Variants in PALLD observed in about 807,000 individuals in gnomAD.
The protein encoded by PALLD is palladin, cytoskeletal associated protein.
Under a neutral mutation model 123.5 loss-of-function variants are expected in PALLD, and 61 were observed. The observed-to-expected ratio is 0.49, with a 90% CI of 0.40 to 0.61. The LOEUF (loss-of-function observed/expected upper bound fraction) is 0.61. PALLD is among the 20% of genes least tolerant of loss of function. The pLI is 0.00. For missense variants in PALLD, 1,273 were observed against 1,377.0 expected, an observed-to-expected ratio of 0.92 and a Z score of 1.20; for synonymous variants, 465 against 496.4, an observed-to-expected ratio of 0.94 and a Z score of 0.84.
In PALLD at chr4:168,773,087, G is replaced by A. The variant is rs548686797; in HGVS notation, c.1964+61164G>A. On this transcript the variant is annotated intron_variant, in intron 10 of 21. Coordinates refer to ENST00000505667, the MANE Select transcript of PALLD (RefSeq NM_001166108.2). ...TATGACATTCTCTCAAGAGTTTAGA[G>A]TAGGAGAGGATTTTAGAACATGATA... Among the ~76,000 whole-genome samples the A allele has an allele frequency of 2.6e-5, 4 of 152,276 alleles. No individual in the cohort carries two copies. The East Asian group carries it at 7.7e-4, about 29-fold the overall frequency.
At chr4:168,767,153 A>G (rs1377633728) in intron 10 of PALLD, among the ~76,000 whole-genome samples, 1 of 151,596 alleles carries the variant, frequency 6.6e-6, no homozygotes, top group African/African-American at 2.4e-5. Context: ...TAACAACCCA[A>G]CCCTCCACAA....
intron 10 of PALLD, among the ~76,000 whole-genome samples, chr4:168,754,242 T>A (rs561508983): frequency 1.4e-4 from 21 of 152,338 alleles, no homozygotes; most frequent in South Asian, 1.2e-3. Flanking sequence ...CCTGATAACT[T>A]TTTTTGGCAA....
intron 2 of PALLD, among the ~76,000 whole-genome samples, chr4:168,661,222 T>C (rs3109204): frequency 0.024 from 3,666 of 152,300 alleles, 66 homozygotes; most frequent in Non-Finnish European, 0.035. Context: ...CAGGTTTCTA[T>C]GTGATGGAAA....
chr4:168,733,692 G>A (rs1051416284), intron 10 of PALLD, among the ~76,000 whole-genome samples: 3 of 152,114 alleles, frequency 2.0e-5, no homozygotes, highest in African/African-American at 7.2e-5. Flanking sequence ...TTAGCCTCCT[G>A]AAGGGCTGGG....
At chr4:168,785,229 G>A (rs1238118555) in intron 10 of PALLD, among the ~76,000 whole-genome samples, 1 of 151,978 alleles carries the variant, frequency 6.6e-6, no homozygotes, top group Non-Finnish European at 1.5e-5. Context: ...TTTAACAAGG[G>A]GAGCACTGTG....
chr4:168,888,077 T>C (rs1186459153), intron 10 of PALLD, among the ~76,000 whole-genome samples: 2 of 150,834 alleles, frequency 1.3e-5, no homozygotes, highest in Admixed American at 1.3e-4. Flanking sequence ...GATAAAGGAG[T>C]AGGAGGGGAG....
At chr4:168,655,390 A>T (rs1302050076) in intron 2 of PALLD, among the ~76,000 whole-genome samples, 1 of 152,206 alleles carries the variant, frequency 6.6e-6, no homozygotes, top group Non-Finnish European at 1.5e-5. Context: ...CCTGTTTGAG[A>T]TGCCTGTTTT....
At chr4:168,729,669 C>T (rs1035870088) in intron 10 of PALLD, among the ~76,000 whole-genome samples, 7 of 152,150 alleles carry the variant, frequency 4.6e-5, no homozygotes, top group Non-Finnish European at 7.4e-5. Context: ...CTTCTCCTGG[C>T]TCCCTTGGTT....
chr4:168,714,723 T>C (rs1028585727), intron 10 of PALLD, among the ~76,000 whole-genome samples: 3 of 152,162 alleles, frequency 2.0e-5, no homozygotes, highest in Non-Finnish European at 2.9e-5. Flanking sequence ...ATCTCCATCA[T>C]TTGTAAACAA....
chr4:168,735,939 G>A (rs1273834024), intron 10 of PALLD, among the ~76,000 whole-genome samples: 1 of 152,082 alleles, frequency 6.6e-6, no homozygotes, highest in African/African-American at 2.4e-5. Flanking sequence ...ATTAATAGCT[G>A]GGCACTTGAC....
intron 10 of PALLD, among the ~76,000 whole-genome samples, chr4:168,799,482 C>A (rs1739001875): frequency 6.6e-6 from 1 of 152,162 alleles, no homozygotes; most frequent in Non-Finnish European, 1.5e-5. Flanking sequence ...AACTTATGAG[C>A]AAATCCCTTA....
chr4:168,903,124 A>G (rs1019899205), intron 14 of PALLD, among the ~76,000 whole-genome samples: 2 of 152,118 alleles, frequency 1.3e-5, no homozygotes, highest in Admixed American at 6.5e-5. Flanking sequence ...TTTCAATACT[A>G]CTGTGTTTTC....
chr4:168,547,566 CAAAAAAAAAAAA>C (rs11339394), intron 2 of PALLD, among the ~76,000 whole-genome samples: 1 of 70,934 alleles, frequency 1.4e-5, no homozygotes, highest in African/African-American at 5.8e-5. Context: ...TAATAAAATA[CAAAAAAAAAAAA>C]AAAAAAAAAG....
chr4:168,712,215 C>T (rs968791988), intron 10 of PALLD: 2 of 500,474 alleles, frequency 4.0e-6, no homozygotes, highest in Admixed American at 6.5e-5. Context: ...GTAGCCACTC[C>T]CTGGAGGCCA....
intron 10 of PALLD, among the ~76,000 whole-genome samples, chr4:168,770,445 C>T (rs1734240476): frequency 6.6e-6 from 1 of 152,132 alleles, no homozygotes; most frequent in African/African-American, 2.4e-5. Flanking sequence ...TTTAACAGGT[C>T]CTTATGGAGA....
intron 10 of PALLD, among the ~76,000 whole-genome samples, chr4:168,804,542 C>G (rs1357645494): frequency 6.6e-6 from 1 of 152,306 alleles, no homozygotes; most frequent in South Asian, 2.1e-4. Context: ...ATGACAAATT[C>G]GGATGCAAAA....
At chr4:168,541,506 C>T (rs1472347790) in intron 2 of PALLD, among the ~76,000 whole-genome samples, 1 of 151,590 alleles carries the variant, frequency 6.6e-6, no homozygotes, top group Non-Finnish European at 1.5e-5. Flanking sequence ...GACAGTCTTA[C>T]TCTGTCGCCC....
intron 10 of PALLD, among the ~76,000 whole-genome samples, chr4:168,839,820 C>A (rs1182589198): frequency 6.6e-6 from 1 of 152,114 alleles, no homozygotes; most frequent in Non-Finnish European, 1.5e-5. Flanking sequence ...GTAATTTAAG[C>A]CTTGGGAGAG....
At chr4:168,636,201 A>G (rs1455676221) in intron 2 of PALLD, among the ~76,000 whole-genome samples, 1 of 152,144 alleles carries the variant, frequency 6.6e-6, no homozygotes, top group African/African-American at 2.4e-5. Context: ...AACTTCTGCC[A>G]GACACGGTGG....
Sources: gnomAD v4.1 joint callset for allele counts (sites outside exome capture counted in the v4.1 genomes callset) on GRCh38, gnomAD v4.1.1 for gene constraint, MANE v1.5 for transcripts, NCBI Gene and HGNC (gene_info 2026-07-23, HGNC 2026-07-21) for gene names.